Variants in COP1 observed in about 807,000 individuals in gnomAD.
The protein encoded by COP1 is COP1 E3 ubiquitin ligase.
COP1 carries 24 observed loss-of-function variants against 101.3 expected under a neutral mutation model. The ratio of observed to expected loss-of-function variants is 0.24; its 90% CI spans 0.17 to 0.33. The LOEUF (loss-of-function observed/expected upper bound fraction) is 0.33. COP1 is among the 10% of genes least tolerant of loss of function. The pLI is 1.00. For missense variants in COP1, 663 were observed against 906.2 expected (o/e 0.73, Z 3.45); for synonymous variants, 347 against 341.9 (o/e 1.01, Z -0.17).
chr1:176,147,485 A>G (rs1178321070), intron 6 of COP1, among the ~76,000 whole-genome samples: 1 of 152,196 alleles, frequency 6.6e-6, no homozygotes, highest in African/African-American at 2.4e-5. Context: ...TGTATTAATG[A>G]CAGTACAATC....
chr1:176,061,720 G>C (rs1168930239), intron 11 of COP1, among the ~76,000 whole-genome samples: 1 of 152,132 alleles, frequency 6.6e-6, no homozygotes, highest in Non-Finnish European at 1.5e-5. Flanking sequence ...TTATAAGCCT[G>C]TAAGTAAAAG....
Position 176,081,224 on chromosome 1 carries a change from T to C in COP1, c.1205A>G (p.Tyr402Cys). 6.2e-7 allele frequency: 1 copy of C among 1,611,092 alleles called. No individual in the cohort carries two copies. The change falls in exon 11 of 20, where the codon TAT becomes TGT. Residue 402 changes from tyrosine to cysteine, a missense_variant. By Grantham distance (194) the Tyr-to-Cys change is radical. This residue lies in a region of COP1 where 212 missense variants were observed against 240.7 expected (regional missense o/e 0.88). Transcript: ENST00000367669. ...FQECLSKFTR[Y>C]NSVRPLATLS... The stretch of plus-strand genomic sequence containing the variant: ...TGTGGCTAAAGGTCGTACTGAATTA[T>C]ATCGAGTAAACTTGGACAAGCATTC...
At chr1:176,024,358 A>G (rs1047685938) in intron 15 of COP1, among the ~76,000 whole-genome samples, 7 of 152,212 alleles carry the variant, frequency 4.6e-5, no homozygotes, top group Non-Finnish European at 8.8e-5. Context: ...TTACTGTCCC[A>G]TATTACTATA....
intron 11 of COP1, among the ~76,000 whole-genome samples, chr1:176,067,011 C>T (rs1676110851): frequency 6.6e-6 from 1 of 152,046 alleles, no homozygotes; most frequent in Non-Finnish European, 1.5e-5. Context: ...GGGCAAGAAG[C>T]TCTAGAAACT....
At chr1:175,964,379 C>CA (rs1470570172) in intron 18 of COP1, among the ~76,000 whole-genome samples, 1 of 151,880 alleles carries the variant, frequency 6.6e-6, no homozygotes, top group Non-Finnish European at 1.5e-5. Context: ...TCCCCTAAAA[C>CA]AACTTCATGA....
At chr1:176,150,730 C>A (rs1244036198) in intron 5 of COP1, among the ~76,000 whole-genome samples, 2 of 152,182 alleles carry the variant, frequency 1.3e-5, no homozygotes, top group Non-Finnish European at 2.9e-5. Context: ...TCATTTCAAT[C>A]TATTAACTAG....
chr1:176,033,984 T>C (rs1014234300), intron 14 of COP1, among the ~76,000 whole-genome samples: 3 of 152,358 alleles, frequency 2.0e-5, no homozygotes, highest in South Asian at 2.1e-4. Flanking sequence ...TAACACTAAA[T>C]AATACTCTTA....
chr1:176,094,097 A>G (rs1681881324), intron 9 of COP1, among the ~76,000 whole-genome samples: 1 of 152,082 alleles, frequency 6.6e-6, no homozygotes, highest in Admixed American at 6.6e-5. Flanking sequence ...GAAAGATGAG[A>G]ATAATTAACA....
chr1:175,980,273 C>T (rs879544659), intron 18 of COP1, among the ~76,000 whole-genome samples: 16,227 of 151,596 alleles, frequency 0.11, 965 homozygotes, highest in Middle Eastern at 0.16. Flanking sequence ...GTTACATGAA[C>T]ACAAATACAA....
intron 9 of COP1, among the ~76,000 whole-genome samples, chr1:176,094,279 A>G (rs1362157158): frequency 6.6e-6 from 1 of 152,054 alleles, no homozygotes; most frequent in Non-Finnish European, 1.5e-5. Flanking sequence ...TCCTTTACTC[A>G]AAAACTCTAC....
At chr1:175,971,747 A>G (rs1169087889) in intron 18 of COP1, among the ~76,000 whole-genome samples, 1 of 152,230 alleles carries the variant, frequency 6.6e-6, no homozygotes. Context: ...CTTTGACTCC[A>G]GCTGTAATGT....
intron 3 of COP1, among the ~76,000 whole-genome samples, chr1:176,165,728 A>C (rs1421617477): frequency 6.6e-6 from 1 of 152,070 alleles, no homozygotes; most frequent in Non-Finnish European, 1.5e-5. Context: ...TAAAATCAAT[A>C]TAGCTAAAAC....
chr1:176,142,455 T>C (rs1181311648), intron 6 of COP1, among the ~76,000 whole-genome samples: 1 of 152,130 alleles, frequency 6.6e-6, no homozygotes, highest in Non-Finnish European at 1.5e-5. Flanking sequence ...TCCAACCATA[T>C]GCTATCTATA....
chr1:176,084,082 TC>T lies in COP1; in HGVS notation c.1141+1693del, dbSNP rs1679677959. 2.6e-5 allele frequency among the ~76,000 whole-genome samples: 4 copies of T among 152,122 alleles called. No individual in the cohort carries two copies. The South Asian group carries it at 8.3e-4, about 32-fold the overall frequency. ...GATTACTAATAATAGCCTACCCCAA[TC>T]TCTTTCCCACCTCTTTTTTTAAAGG... On this transcript the variant is annotated intron_variant, in intron 10 of 19. Transcript: ENST00000367669.
chr1:176,180,100 C>A (rs1282663701), intron 2 of COP1, among the ~76,000 whole-genome samples: 1 of 152,130 alleles, frequency 6.6e-6, no homozygotes, highest in African/African-American at 2.4e-5. Context: ...TAGTTACTAT[C>A]TTATCTTGTA....
chr1:175,998,391 G>A (rs896527540), intron 15 of COP1, among the ~76,000 whole-genome samples: 13 of 148,944 alleles, frequency 8.7e-5, no homozygotes, highest in Admixed American at 4.7e-4. Flanking sequence ...CAGCACACCA[G>A]CATGGCACAT....
intron 11 of COP1, among the ~76,000 whole-genome samples, chr1:176,063,092 G>A (rs534501073): frequency 3.5e-5 from 4 of 115,664 alleles, no homozygotes; most frequent in African/African-American, 6.6e-5. Flanking sequence ...TCGCTCTGTC[G>A]CCCAGGCCGG....
intron 6 of COP1, among the ~76,000 whole-genome samples, chr1:176,138,201 G>T (rs1303825680): frequency 2.6e-5 from 4 of 152,090 alleles, no homozygotes; most frequent in Admixed American, 6.6e-5. Flanking sequence ...CATGAGAAAG[G>T]TAAATAATAA....
At chr1:176,088,918 C>G (rs930195675) in intron 9 of COP1, among the ~76,000 whole-genome samples, 2 of 151,204 alleles carry the variant, frequency 1.3e-5, no homozygotes, top group African/African-American at 4.9e-5. Flanking sequence ...TCACTTGAAC[C>G]CAGGAGGCAG....
Sources: allele counts gnomAD v4.1 joint callset (sites outside exome capture counted in the v4.1 genomes callset), GRCh38; gene constraint gnomAD v4.1.1; regional missense constraint gnomAD v4.1.1; transcripts MANE v1.5; gene names NCBI Gene and HGNC (gene_info 2026-07-23, HGNC 2026-07-21).